Variants in TBCD observed in about 807,000 individuals in gnomAD.
TBCD encodes the protein tubulin-specific chaperone D.
In TBCD, 105 loss-of-function variants were observed where a neutral mutation model predicts 169.3. That is an observed-to-expected ratio of 0.62 (90% CI 0.53 to 0.73). TBCD has a LOEUF of 0.73. TBCD is among the 30% of genes least tolerant of loss of function. The pLI, the probability that TBCD is intolerant of heterozygous loss-of-function variation, is 0.00. For synonymous variants in TBCD, 700 were observed against 643.9 expected, an observed-to-expected ratio of 1.09 and a Z score of -1.32; for missense variants, 1,444 against 1,600.1, an observed-to-expected ratio of 0.90 and a Z score of 1.66.
chr17:82,907,203 G>A (rs2060311192), intron 20 of TBCD, among the ~76,000 whole-genome samples: 1 of 152,276 alleles, frequency 6.6e-6, no homozygotes, highest in African/African-American at 2.4e-5. Flanking sequence ...GCTTGGTCCA[G>A]GCCCCCGCAT....
Position 82,831,812 on chromosome 17 carries a change from G to T in TBCD, c.1318+16878G>T. 1 of 1,614,210 alleles carries T rather than the reference G, an allele frequency of 6.2e-7. No individual in the cohort carries two copies. Among genetic ancestry groups the T allele is most frequent in the African/African-American group, 1.3e-5 (1 of 75,056 alleles). ...GAGATTTTATGTGGAAACTCTGGTG[G>T]AAGGAAAGGTGAGCCGGCTTTCCAG... On this transcript the variant is annotated intron_variant, in intron 13 of 38. Coordinates refer to ENST00000355528, the MANE Select transcript of TBCD (RefSeq NM_005993.5). This position sits in a 1 kb window ranked among gnomAD's most constrained non-coding sequence, Gnocchi z 4.6.
chr17:82,807,505 T>C, intron 10 of TBCD, 103 bp from the exon 11 acceptor site: 1 of 675,922 alleles, frequency 1.5e-6, no homozygotes, highest in Non-Finnish European at 2.2e-6. Flanking sequence ...TGTAATTCCC[T>C]TCGGCGTGTG....
intron 2 of TBCD, among the ~76,000 whole-genome samples, chr17:82,761,802 T>C (rs1007134845): frequency 1.9e-4 from 29 of 151,512 alleles, no homozygotes; most frequent in Non-Finnish European, 3.5e-4. Flanking sequence ...CTCGGCTCAC[T>C]GCAAGCTCTG....
intron 19 of TBCD, among the ~76,000 whole-genome samples, chr17:82,905,136 T>G (rs2060147851): frequency 6.6e-6 from 1 of 152,076 alleles, no homozygotes; most frequent in Non-Finnish European, 1.5e-5. Context: ...AAACTCAGAG[T>G]AGAGGCACCA....
chr17:82,866,636 C>T (rs2145894010), intron 13 of TBCD, among the ~76,000 whole-genome samples: 1 of 152,356 alleles, frequency 6.6e-6, no homozygotes, highest in South Asian at 2.1e-4. Flanking sequence ...GTGGCCTGGC[C>T]TGGAAGGAGG....
chr17:82,921,640 G>A, intron 25 of TBCD, 63 bp downstream of exon 25: 1 of 1,515,624 alleles, frequency 6.6e-7, no homozygotes, highest in Non-Finnish European at 9.2e-7. Flanking sequence ...AGTCACGGAT[G>A]GTGTTTGTGT....
intron 13 of TBCD, among the ~76,000 whole-genome samples, chr17:82,849,946 T>TGTTGGCTGTGCTGC (rs1567886521): frequency 7.9e-5 from 10 of 126,618 alleles, no homozygotes; most frequent in African/African-American, 3.1e-4. Flanking sequence ...GGCTGTGCTG[T>TGTTGGCTGTGCTGC]TGTTGCCTGT....
intron 20 of TBCD, 137 bp from the exon 21 acceptor site, chr17:82,907,624 A>G (rs1479237531): frequency 5.7e-6 from 5 of 877,042 alleles, no homozygotes; most frequent in Non-Finnish European, 9.2e-6. Flanking sequence ...AACAAGAATG[A>G]GACCTTGCTG....
At chr17:82,904,700 T>A (rs980733442) in intron 19 of TBCD, among the ~76,000 whole-genome samples, 1 of 152,184 alleles carries the variant, frequency 6.6e-6, no homozygotes, top group African/African-American at 2.4e-5. Context: ...TTGTGGCTCT[T>A]CAGTGGAGTT....
chr17:82,945,042 CAGA>C lies in TBCD; in HGVS notation c.*2583_*2585del, dbSNP rs1235652251. ...GACCAGTGGTATTCCCAGACAAGGG[CAGA>C]AGATGCAAATACAAAACCTCTCTGG... On this transcript the variant is annotated 3_prime_UTR_variant, in exon 39 of 39. Coordinates refer to ENST00000355528, the MANE Select transcript of TBCD (RefSeq NM_005993.5). 6.6e-6 allele frequency: 1 copy of C among 152,070 alleles called. No individual in the cohort carries two copies. The highest frequency in any genetic ancestry group is 6.5e-5 in the Admixed American group (1 of 15,284). The allele number at this position is 152,070 out of a possible 1,614,324, so 9.4% of individuals were successfully genotyped here.
rs551969559 is a variant in TBCD, at chr17:82,787,590, G to A, written c.771+5869G>A. 4.6e-5 allele frequency among the ~76,000 whole-genome samples: 7 copies of A among 152,348 alleles called. No individual in the cohort carries two copies. The South Asian group carries it at 1.2e-3, about 27-fold the overall frequency. The stretch of plus-strand genomic sequence containing the variant: ...TTGGCAGAGCTGCAGGCAGAGGCCG[G>A]GCGCCTGCTGTACATGATGAAACTT... On this transcript the variant is annotated intron_variant, in intron 7 of 38. Coordinates refer to ENST00000355528, the MANE Select transcript of TBCD (RefSeq NM_005993.5).
At chr17:82,853,820 C>T (rs919499677) in intron 13 of TBCD, among the ~76,000 whole-genome samples, 1 of 152,136 alleles carries the variant, frequency 6.6e-6, no homozygotes, top group Non-Finnish European at 1.5e-5. Flanking sequence ...TGATTTTAAG[C>T]TGGTGAGTTT....
Position 82,939,050 on chromosome 17 carries a change from GT to G in TBCD, c.3370-315del, listed in dbSNP as rs1463797742. 2.1e-4 allele frequency: 83 copies of G among 403,934 alleles called. 1 individual carries two copies. The Middle Eastern group carries it at 2.8e-3, about 14-fold the overall frequency. 25.0% of individuals were successfully genotyped at this position (403,934 alleles called of 1,614,324 possible). The stretch of plus-strand genomic sequence containing the variant: ...GCTTCTCTGGTGAGGGAGCAGGTTA[GT>G]TAATAGAGAGCAGGCGAGATTGCTT... On this transcript the variant is annotated intron_variant, in intron 36 of 38. Transcript: ENST00000355528.
chr17:82,930,465 C>G lies in TBCD; in HGVS notation c.2992-57C>G. ...GATGCTTGACCGGCTGTAGCCAAGCCTGAGGGGTGGCAGGCTCGGGGGTCC... is the reference window on the plus strand; with the variant it reads ...GATGCTTGACCGGCTGTAGCCAAGCGTGAGGGGTGGCAGGCTCGGGGGTCC... On this transcript the variant is annotated intron_variant, in intron 32 of 38. Transcript: ENST00000355528. The surrounding 1 kb of genome is among the most constrained non-coding windows in gnomAD (Gnocchi z 5.2). The G allele has an allele frequency of 6.3e-7, 1 of 1,592,538 alleles. No individual in the cohort carries two copies.
Position 82,835,545 on chromosome 17 carries a change from C to A in TBCD, c.1318+20611C>A, listed in dbSNP as rs2053895176. ...TCAAGAGATTCTCCTGCCTCAGCCT[C>A]CCTAGTAGCTGGGATTACAGGTGCC... On this transcript the variant is annotated intron_variant, in intron 13 of 38. Coordinates refer to ENST00000355528, the MANE Select transcript of TBCD (RefSeq NM_005993.5). This position sits in a 1 kb window ranked among gnomAD's most constrained non-coding sequence, Gnocchi z 4.5. Among the ~76,000 whole-genome samples the A allele has an allele frequency of 6.6e-6, 1 of 152,142 alleles. No homozygotes were observed. Among genetic ancestry groups the A allele is most frequent in the Admixed American group, 6.6e-5 (1 of 15,266 alleles).
chr17:82,823,029 G>A (rs1295525465), intron 13 of TBCD, among the ~76,000 whole-genome samples: 5 of 152,204 alleles, frequency 3.3e-5, no homozygotes, highest in African/African-American at 7.2e-5. Flanking sequence ...AGAGGAGTCC[G>A]ATTCTGAGAG....
intron 1 of TBCD, among the ~76,000 whole-genome samples, chr17:82,754,156 C>A (rs1477005575): frequency 6.6e-6 from 1 of 152,190 alleles, no homozygotes; most frequent in South Asian, 2.1e-4. Flanking sequence ...CCACGCCCGG[C>A]TGGAGTTTTA....
chr17:82,787,166 C>T (rs993958663), intron 7 of TBCD, among the ~76,000 whole-genome samples: 7 of 152,310 alleles, frequency 4.6e-5, no homozygotes, highest in African/African-American at 7.2e-5. Context: ...TGCCACCCCC[C>T]GGCATATGCT....
intron 6 of TBCD, among the ~76,000 whole-genome samples, chr17:82,779,069 T>C (rs374025615): frequency 1.3e-5 from 2 of 151,750 alleles, no homozygotes; most frequent in African/African-American, 4.8e-5. Context: ...TGGAGTGCAA[T>C]GGTGAGATCT....
Sources: allele counts gnomAD v4.1 joint callset (sites outside exome capture counted in the v4.1 genomes callset), GRCh38; gene constraint gnomAD v4.1.1; non-coding constraint Gnocchi (gnomAD v3.1); transcripts MANE v1.5; gene names NCBI Gene and HGNC (gene_info 2026-07-23, HGNC 2026-07-21).